PCDH11X: variants seen among roughly 807,000 people sequenced by gnomAD.
PCDH11X encodes the protein protocadherin-11 X-linked.
PCDH11X carries 18 observed loss-of-function variants against 53.3 expected under a neutral mutation model. The ratio of observed to expected loss-of-function variants is 0.34; its 90% CI spans 0.23 to 0.50. The LOEUF is 0.50. Among genes scored for constraint, PCDH11X ranks in the 20% least tolerant of loss-of-function variants. PCDH11X has a pLI of 0.98. For missense variants in PCDH11X, 570 were observed against 1,032.4 expected, an observed-to-expected ratio of 0.55 and a Z score of 6.14; for synonymous variants, 279 against 393.3, an observed-to-expected ratio of 0.71 and a Z score of 3.44.
intron 10 of PCDH11X, among the ~76,000 whole-genome samples, chrX:92,505,145 CTTTTTTCT>C (rs1216491344): frequency 2.2e-4 from 9 of 41,185 alleles, no homozygotes; most frequent in East Asian, 1.5e-3. Context: ...TTTCTTTTTT[CTTTTTTCT>C]TTTTTTTTTT....
intron 10 of PCDH11X, among the ~76,000 whole-genome samples, chrX:92,522,303 A>G (rs964579891): frequency 2.7e-4 from 30 of 111,876 alleles, no homozygotes; most frequent in Non-Finnish European, 5.4e-4. Flanking sequence ...GTGTCAGGAA[A>G]TAGGCCAGAA....
At chrX:91,838,534 C>T (rs762473920) in intron 5 of PCDH11X, among the ~76,000 whole-genome samples, 98 of 110,788 alleles carry the variant, frequency 8.8e-4, no homozygotes, top group Non-Finnish European at 7.9e-4. Context: ...CACTTTGACT[C>T]GCAAAAAGGC....
At chrX:92,173,984 C>CAA (rs145379428) in intron 6 of PCDH11X, among the ~76,000 whole-genome samples, 6 of 29,563 alleles carry the variant, frequency 2.0e-4, no homozygotes, top group African/African-American at 8.7e-4. Context: ...GACCCAGTCT[C>CAA]AAAAAAAAAA....
chrX:92,399,103 G>T (rs894704109), intron 9 of PCDH11X, among the ~76,000 whole-genome samples: 1 of 107,486 alleles, frequency 9.3e-6, no homozygotes, highest in African/African-American at 3.4e-5. Context: ...TGAGGCAGGA[G>T]AATGGCATGA....
chrX:92,278,212 C>T (rs189819542), intron 8 of PCDH11X, among the ~76,000 whole-genome samples: 27 of 111,308 alleles, frequency 2.4e-4, no homozygotes, highest in African/African-American at 7.2e-4. Context: ...AAAAAGAGGC[C>T]GCTTACCGGA....
chrX:92,403,415 A>G (rs1339173678), intron 9 of PCDH11X, among the ~76,000 whole-genome samples: 1 of 100,957 alleles, frequency 9.9e-6, no homozygotes, highest in Non-Finnish European at 2.0e-5. Context: ...GTTTAAAAAT[A>G]AATCTCTTCT....
Position 91,835,578 on chromosome X carries a change from A to G in PCDH11X, c.74A>G (p.Glu25Gly). 2 of 1,211,481 alleles carry G rather than the reference A, an allele frequency of 1.7e-6. No homozygotes were observed. Among genetic ancestry groups the G allele is most frequent in the Non-Finnish European group, 2.2e-6 (2 of 895,486 alleles). The change falls in exon 5 of 11, where the codon GAG becomes GGG. Residue 25 changes from glutamate to glycine, a missense_variant. Coordinates refer to ENST00000682573, the MANE Select transcript of PCDH11X (RefSeq NM_032968.5). ...GTGGTGTTCCACTCTGGCGCCCAGG[A>G]GAAAAACTACACCATCCGAGAAGAA... ...ACVVFHSGAQ[E>G]KNYTIREEMP...
chrX:92,566,888 A>G (rs1320849996), intron 10 of PCDH11X, among the ~76,000 whole-genome samples: 8 of 109,833 alleles, frequency 7.3e-5, no homozygotes, highest in African/African-American at 2.7e-4. Flanking sequence ...AACGACTAGA[A>G]TTACTCTAAA....
chrX:92,068,177 T>C (rs1417696409), intron 6 of PCDH11X, among the ~76,000 whole-genome samples: 1 of 108,597 alleles, frequency 9.2e-6, no homozygotes, highest in Non-Finnish European at 1.9e-5. Flanking sequence ...TTTATTAATT[T>C]CTTTTCTTCT....
chrX:92,152,865 T>G (rs2065464162), intron 6 of PCDH11X, among the ~76,000 whole-genome samples: 1 of 110,457 alleles, frequency 9.1e-6, no homozygotes, highest in Admixed American at 9.8e-5. Context: ...TGGCGTGATC[T>G]CGGCTCAGTG....
chrX:92,506,171 A>G (rs1425008250), intron 10 of PCDH11X, among the ~76,000 whole-genome samples: 1 of 108,103 alleles, frequency 9.3e-6, no homozygotes, highest in Non-Finnish European at 1.9e-5. Context: ...TATCTTTTAA[A>G]AACATTATCC....
intron 6 of PCDH11X, among the ~76,000 whole-genome samples, chrX:92,193,738 T>C (rs979163235): frequency 9.0e-6 from 1 of 111,632 alleles, no homozygotes; most frequent in African/African-American, 3.2e-5. Context: ...CCATGAATTA[T>C]TTCTACTCTC....
chrX:92,450,926 C>G (rs1285337465), intron 9 of PCDH11X, among the ~76,000 whole-genome samples: 6 of 111,308 alleles, frequency 5.4e-5, no homozygotes, highest in Non-Finnish European at 9.4e-5. Flanking sequence ...GGACATAAAG[C>G]TTGTTGACTT....
intron 6 of PCDH11X, among the ~76,000 whole-genome samples, chrX:91,988,431 T>C (rs1332588851): frequency 8.9e-6 from 1 of 112,572 alleles, no homozygotes; most frequent in Non-Finnish European, 1.9e-5. Flanking sequence ...GGATATGTTG[T>C]CTTAATCTTT....
intron 6 of PCDH11X, among the ~76,000 whole-genome samples, chrX:92,109,157 G>A (rs1271133526): frequency 2.7e-5 from 3 of 111,428 alleles, no homozygotes; most frequent in African/African-American, 9.8e-5. Flanking sequence ...GGCCGAGGCA[G>A]GTGGATCACC....
intron 6 of PCDH11X, among the ~76,000 whole-genome samples, chrX:92,049,443 G>C (rs1401359686): frequency 2.7e-5 from 3 of 109,640 alleles, no homozygotes; most frequent in Non-Finnish European, 5.7e-5. Flanking sequence ...AGGAAATTTG[G>C]GCAAGATAAA....
At chrX:92,023,414 A>G (rs2062920794) in intron 6 of PCDH11X, among the ~76,000 whole-genome samples, 1 of 110,041 alleles carries the variant, frequency 9.1e-6, no homozygotes, top group African/African-American at 3.3e-5. Flanking sequence ...GCAAACCGAG[A>G]AGAAATGGAT....
chrX:92,132,348 C>G (rs752574427), intron 6 of PCDH11X, among the ~76,000 whole-genome samples: 12 of 86,816 alleles, frequency 1.4e-4, no homozygotes, highest in Non-Finnish European at 2.6e-4. Context: ...GCTCACGACG[C>G]TTTTAATCCC....
At chrX:92,069,099 G>A (rs1435253463) in intron 6 of PCDH11X, among the ~76,000 whole-genome samples, 1 of 109,750 alleles carries the variant, frequency 9.1e-6, no homozygotes, top group Non-Finnish European at 1.9e-5. Flanking sequence ...TATTGTATTA[G>A]GGTATATCAC....
Sources: gnomAD v4.1 joint callset for allele counts (sites outside exome capture counted in the v4.1 genomes callset) on GRCh38, gnomAD v4.1.1 for gene constraint, MANE v1.5 for transcripts, NCBI Gene and HGNC (gene_info 2026-07-23, HGNC 2026-07-21) for gene names.